Variants in RBMS3 observed in about 807,000 individuals in gnomAD.
RBMS3 encodes the protein RNA binding motif single stranded interacting protein 3.
A neutral mutation model predicts 66.8 loss-of-function variants in RBMS3; 27 were observed. The ratio of observed to expected loss-of-function variants is 0.40; its 90% CI spans 0.30 to 0.56. The LOEUF (loss-of-function observed/expected upper bound fraction) is 0.56. RBMS3 is among the 20% of genes least tolerant of loss of function. The pLI, the probability that RBMS3 is intolerant of heterozygous loss-of-function variation, is 0.40. For synonymous variants in RBMS3, 188 were observed against 183.0 expected, an observed-to-expected ratio of 1.03 and a Z score of -0.22; for missense variants, 513 against 549.5, an observed-to-expected ratio of 0.93 and a Z score of 0.66.
chr3:29,694,279 T>C (rs1559576653), intron 4 of RBMS3, among the ~76,000 whole-genome samples: 1 of 152,204 alleles, frequency 6.6e-6, no homozygotes, highest in Non-Finnish European at 1.5e-5. Context: ...TTCACCCAAG[T>C]CTGGAACTAT....
intron 1 of RBMS3, among the ~76,000 whole-genome samples, chr3:29,420,333 A>G (rs767446579): frequency 8.5e-5 from 13 of 152,182 alleles, no homozygotes; most frequent in Non-Finnish European, 1.8e-4. Flanking sequence ...AGATATTCCT[A>G]GTTGCTTCTT....
intron 3 of RBMS3, among the ~76,000 whole-genome samples, chr3:29,510,626 C>G (rs1243074949): frequency 1.3e-5 from 2 of 151,986 alleles, no homozygotes; most frequent in Non-Finnish European, 2.9e-5. Flanking sequence ...AATCCAAAAA[C>G]TCAAAACCCA....
intron 6 of RBMS3, 101 bp from the exon 7 acceptor site, chr3:29,868,757 A>G (rs2059419400): frequency 2.0e-6 from 2 of 1,003,956 alleles, no homozygotes; most frequent in Middle Eastern, 2.2e-4. Context: ...GCAAGATGTT[A>G]CTTCAAAAGA....
At chr3:29,749,142 C>T (rs969368533) in intron 5 of RBMS3, among the ~76,000 whole-genome samples, 3 of 152,136 alleles carry the variant, frequency 2.0e-5, no homozygotes, top group East Asian at 1.9e-4. Flanking sequence ...AAAAAGGAAA[C>T]CTGTTCCACT....
At chr3:29,777,737 A>G (rs531479407) in intron 6 of RBMS3, among the ~76,000 whole-genome samples, 1 of 152,080 alleles carries the variant, frequency 6.6e-6, no homozygotes, top group Admixed American at 6.6e-5. Flanking sequence ...CAAAAGGAAT[A>G]TAAAATAAAT....
chr3:29,878,184 C>G (rs183123755), intron 7 of RBMS3, among the ~76,000 whole-genome samples: 19 of 152,118 alleles, frequency 1.2e-4, no homozygotes, highest in African/African-American at 4.6e-4. Flanking sequence ...TGACAGGAAG[C>G]GGATCTCAGG....
intron 14 of RBMS3, among the ~76,000 whole-genome samples, chr3:29,994,840 A>G (rs1699112122): frequency 6.6e-6 from 1 of 152,218 alleles, no homozygotes; most frequent in Non-Finnish European, 1.5e-5. Flanking sequence ...GAACAGGAAA[A>G]CTGGAAACTC....
At chr3:29,878,549 C>G (rs1044800886) in intron 7 of RBMS3, among the ~76,000 whole-genome samples, 1 of 152,038 alleles carries the variant, frequency 6.6e-6, no homozygotes, top group African/African-American at 2.4e-5. Context: ...TTCTGTCCTA[C>G]TTTTGTATTC....
intron 4 of RBMS3, among the ~76,000 whole-genome samples, chr3:29,594,576 A>C (rs2047876726): frequency 6.6e-6 from 1 of 152,232 alleles, no homozygotes; most frequent in Non-Finnish European, 1.5e-5. Flanking sequence ...CAACAGACAG[A>C]TCTCTCTAAA....
chr3:29,312,244 AT>A (rs1343321302), intron 1 of RBMS3, among the ~76,000 whole-genome samples: 1 of 151,672 alleles, frequency 6.6e-6, no homozygotes, highest in Admixed American at 6.6e-5. Context: ...ATTATCAGAA[AT>A]GTAAAATCCA....
rs114498535 is a variant in RBMS3 at position 29,911,499 on chromosome 3, G to A, written c.939+11744G>A. Among the ~76,000 whole-genome samples, 287 of 152,092 alleles carry A rather than the reference G, an allele frequency of 1.9e-3. 1 individual carries two copies. Among genetic ancestry groups the A allele is most frequent in the African/African-American group, 6.4e-3 (267 of 41,486 alleles). On this transcript the variant is annotated intron_variant, in intron 10 of 14. Transcript: ENST00000383767. ...AGGCAAAGCCTCCTCACCAATATCC[G>A]ATGTGCCCTTTCACAAGTTCTCCAC...
At chr3:29,677,733 G>A (rs928324401) in intron 4 of RBMS3, among the ~76,000 whole-genome samples, 4 of 151,906 alleles carry the variant, frequency 2.6e-5, no homozygotes, top group African/African-American at 7.3e-5. Flanking sequence ...TGGAAAATAG[G>A]CCCTTTTTTC....
At chr3:29,602,229 C>T (rs2048170888) in intron 4 of RBMS3, among the ~76,000 whole-genome samples, 2 of 151,874 alleles carry the variant, frequency 1.3e-5, no homozygotes, top group African/African-American at 2.4e-5. Flanking sequence ...TTTCCACATG[C>T]ATTTGACAGA....
chr3:29,760,659 T>TAA (rs5847593), intron 5 of RBMS3, among the ~76,000 whole-genome samples: 93 of 144,152 alleles, frequency 6.5e-4, no homozygotes, highest in Middle Eastern at 7.0e-3. Flanking sequence ...ATTTTCTACT[T>TAA]AAAAAAAAAA....
intron 10 of RBMS3, among the ~76,000 whole-genome samples, chr3:29,925,979 A>G (rs928706590): frequency 3.9e-5 from 6 of 152,248 alleles, no homozygotes; most frequent in Admixed American, 1.3e-4. Flanking sequence ...CAAATAGGAC[A>G]CTGAAGGATA....
intron 4 of RBMS3, among the ~76,000 whole-genome samples, chr3:29,673,684 C>G (rs543344659): frequency 1.3e-5 from 2 of 152,190 alleles, no homozygotes; most frequent in South Asian, 2.1e-4. Context: ...GACAAATATA[C>G]CCTCCCAAGA....
intron 6 of RBMS3, among the ~76,000 whole-genome samples, chr3:29,775,558 A>G (rs981607808): frequency 3.9e-5 from 6 of 152,082 alleles, no homozygotes; most frequent in Non-Finnish European, 8.8e-5. Context: ...TCTAAGAGCC[A>G]GAAAGCTAAC....
intron 1 of RBMS3, among the ~76,000 whole-genome samples, chr3:29,392,437 A>C (rs1030483417): frequency 6.6e-6 from 1 of 152,106 alleles, no homozygotes; most frequent in Non-Finnish European, 1.5e-5. Context: ...TCTTTTTTTC[A>C]TCACTTTATC....
At chr3:29,700,672 C>CTT (rs11434343) in intron 4 of RBMS3, among the ~76,000 whole-genome samples, 9 of 138,112 alleles carry the variant, frequency 6.5e-5, no homozygotes, top group Admixed American at 2.8e-4. Context: ...TTATTTCAGA[C>CTT]TTTTTTTTTT....
Sources: allele counts gnomAD v4.1 joint callset (sites outside exome capture counted in the v4.1 genomes callset), GRCh38; gene constraint gnomAD v4.1.1; transcripts MANE v1.5; gene names NCBI Gene and HGNC (gene_info 2026-07-23, HGNC 2026-07-21).